SPATA1: variants seen among roughly 807,000 people sequenced by gnomAD.
SPATA1 encodes the protein spermatogenesis associated 1.
Under a neutral mutation model 59.6 loss-of-function variants are expected in SPATA1, and 57 were observed. The observed-to-expected ratio is 0.96, with a 90% CI of 0.77 to 1.19. SPATA1 has a LOEUF of 1.19. Among genes scored for constraint, SPATA1 ranks in the 50% most tolerant of loss-of-function variants. The probability of loss-of-function intolerance (pLI) is 0.00; values close to 1 mark genes in which losing one functional copy is unlikely to be tolerated. For synonymous variants in SPATA1, 147 were observed against 163.9 expected (o/e 0.90, Z 0.79); for missense variants, 448 against 480.7 (o/e 0.93, Z 0.64).
chr1:84,511,649 T>C (rs1682553627), intron 1 of SPATA1, among the ~76,000 whole-genome samples: 2 of 150,406 alleles, frequency 1.3e-5, no homozygotes, highest in Admixed American at 1.3e-4. Context: ...CCTCAGGCAT[T>C]TCAGGCTTTT....
Position 84,565,929 on chromosome 1 carries a change from G to A in SPATA1, n.511G>A, listed in dbSNP as rs565320610. 3 of 1,601,740 alleles carry A rather than the reference G, an allele frequency of 1.9e-6. No homozygotes were observed. In the South Asian group the frequency reaches 3.4e-5, roughly 18 times the overall value. On this transcript the variant is annotated non_coding_transcript_exon_variant, in exon 5 of 5. Coordinates refer to the SPATA1 transcript ENST00000460286. ...GTTCATCATAAGACATCACAAAGAG[G>A]AAGTCACAAGCATCTGCGATTCCAG... is the stretch of plus-strand genomic sequence containing the variant.
At chr1:84,565,986 T>C in exon 5 of SPATA1, 1 of 1,568,406 alleles carries the variant, frequency 6.4e-7, no homozygotes, top group Non-Finnish European at 8.6e-7. Context: ...CTATGTTCTT[T>C]GGAGACCAAG....
downstream of SPATA1, among the ~76,000 whole-genome samples, chr1:84,567,124 A>G (rs770406214): frequency 2.2e-4 from 34 of 152,368 alleles, no homozygotes; most frequent in Non-Finnish European, 4.1e-4. Context: ...TACTTTAGGT[A>G]ACATTTTTAT....
chr1:84,530,948 T>C (rs1016075778), intron 6 of SPATA1, among the ~76,000 whole-genome samples: 2 of 152,238 alleles, frequency 1.3e-5, no homozygotes, highest in Admixed American at 1.3e-4. Context: ...GTTCAAAACT[T>C]AGTTTCACAG....
intron 4 of SPATA1, chr1:84,563,942 A>G: frequency 1.6e-6 from 2 of 1,237,656 alleles, no homozygotes; most frequent in Non-Finnish European, 2.1e-6. Context: ...TACATTTATA[A>G]AAAACACTAA....
intron 10 of SPATA1, among the ~76,000 whole-genome samples, chr1:84,546,457 C>CAAAAAAAAA (rs10618711): frequency 1.2e-5 from 1 of 82,068 alleles, no homozygotes; most frequent in Non-Finnish European, 2.5e-5. Context: ...GACTCTGCCT[C>CAAAAAAAAA]AAAAAAAAAA....
chr1:84,521,298 G>A (rs906171524), intron 3 of SPATA1, among the ~76,000 whole-genome samples: 2 of 152,154 alleles, frequency 1.3e-5, no homozygotes, highest in Non-Finnish European at 2.9e-5. Context: ...CAAAGAACAT[G>A]TGTTTATATG....
intron 4 of SPATA1, among the ~76,000 whole-genome samples, chr1:84,562,157 T>C (rs1684607318): frequency 6.6e-6 from 1 of 152,218 alleles, no homozygotes; most frequent in Non-Finnish European, 1.5e-5. Context: ...ATTAATATAA[T>C]TGTTGTTACA....
chr1:84,558,320 C>T (rs1365455318), downstream of SPATA1, among the ~76,000 whole-genome samples: 6 of 150,108 alleles, frequency 4.0e-5, no homozygotes, highest in Non-Finnish European at 7.4e-5. Flanking sequence ...GACGGAGTCT[C>T]GCTCTGTCGC....
intron 6 of SPATA1, among the ~76,000 whole-genome samples, chr1:84,531,648 A>C (rs1341669735): frequency 1.4e-5 from 2 of 144,382 alleles, no homozygotes; most frequent in Non-Finnish European, 3.0e-5. Flanking sequence ...ATCATGGCTC[A>C]CTACAGCCTC....
intron 4 of SPATA1, among the ~76,000 whole-genome samples, chr1:84,560,754 C>T (rs1308877538): frequency 1.3e-5 from 2 of 152,100 alleles, no homozygotes; most frequent in Non-Finnish European, 2.9e-5. Flanking sequence ...TTCCAAAAAT[C>T]CTATGGCACT....
intron 8 of SPATA1, among the ~76,000 whole-genome samples, chr1:84,535,807 T>C (rs1424556651): frequency 6.6e-6 from 1 of 152,208 alleles, no homozygotes; most frequent in East Asian, 1.9e-4. Context: ...ATTTTTGTTA[T>C]GAATTAAGTG....
downstream of SPATA1, among the ~76,000 whole-genome samples, chr1:84,556,250 A>T (rs938817915): frequency 1.2e-4 from 18 of 152,208 alleles, no homozygotes; most frequent in African/African-American, 4.1e-4. Flanking sequence ...GATCTAGGAC[A>T]AAGTGCAAAG....
chr1:84,558,198 T>C (rs529747185), downstream of SPATA1, among the ~76,000 whole-genome samples: 1 of 152,356 alleles, frequency 6.6e-6, no homozygotes, highest in South Asian at 2.1e-4. Context: ...AATACATATG[T>C]TAAATAACTT....
At chr1:84,552,186 G>A (rs1465942214) in intron 12 of SPATA1, 1 of 152,026 alleles carries the variant, frequency 6.6e-6, no homozygotes, top group Non-Finnish European at 1.5e-5. Context: ...TCAGAACTAA[G>A]GGACAAAAAA....
chr1:84,525,618 T>A (rs906289940), intron 4 of SPATA1, 78 bp from the exon 5 acceptor site: 9 of 1,266,344 alleles, frequency 7.1e-6, no homozygotes, highest in Middle Eastern at 2.7e-4. Flanking sequence ...ACATGCCTTC[T>A]GCAAAAAAAG....
At chr1:84,535,753 A>C (rs2101979564) in intron 8 of SPATA1, among the ~76,000 whole-genome samples, 1 of 152,094 alleles carries the variant, frequency 6.6e-6, no homozygotes, top group Non-Finnish European at 1.5e-5. Context: ...CTACGTACAT[A>C]TTCATGTCAT....
At chr1:84,552,988 A>G in intron 12 of SPATA1, 1 of 1,216,966 alleles carries the variant, frequency 8.2e-7, no homozygotes, top group Non-Finnish European at 1.2e-6. Flanking sequence ...ATGTACTTTT[A>G]GAAGGGTATG....
At chr1:84,512,963 CTCCTT>C (rs1682636075) in intron 1 of SPATA1, among the ~76,000 whole-genome samples, 2 of 152,176 alleles carry the variant, frequency 1.3e-5, no homozygotes, top group African/African-American at 2.4e-5. Context: ...AGATATCAGT[CTCCTT>C]TCATTTGAAT....
Sources: allele counts gnomAD v4.1 joint callset (sites outside exome capture counted in the v4.1 genomes callset), GRCh38; gene constraint gnomAD v4.1.1; transcripts MANE v1.5; gene names NCBI Gene and HGNC (gene_info 2026-07-23, HGNC 2026-07-21).